Variants in NELL1 observed in about 807,000 individuals in gnomAD.
NELL1 encodes protein kinase C-binding protein NELL1.
Under a neutral mutation model 107.4 loss-of-function variants are expected in NELL1, and 76 were observed. The ratio of observed to expected loss-of-function variants is 0.71; its 90% CI spans 0.59 to 0.86. The LOEUF (loss-of-function observed/expected upper bound fraction) is 0.86, where lower values mean the gene tolerates loss of function less well. NELL1 is among the 40% of genes least tolerant of loss of function. The pLI is 0.00. For synonymous variants in NELL1, 353 were observed against 341.2 expected, an observed-to-expected ratio of 1.03 and a Z score of -0.38; for missense variants, 1,024 against 1,005.5, an observed-to-expected ratio of 1.02 and a Z score of -0.25.
At chr11:20,725,194 T>A (rs1034198804) in intron 2 of NELL1, among the ~76,000 whole-genome samples, 1 of 152,180 alleles carries the variant, frequency 6.6e-6, no homozygotes, top group Non-Finnish European at 1.5e-5. Flanking sequence ...TCCAAACAGT[T>A]CATGCAGTAA....
At position 21,119,601 on chromosome 11, in the gene NELL1, A is replaced by G. The variant is rs1855317929; in HGVS notation, c.1426+5887A>G. On this transcript the variant is annotated intron_variant, in intron 13 of 19. Coordinates refer to ENST00000357134, the MANE Select transcript of NELL1 (RefSeq NM_006157.5). ...CCTTTGAAAGGGTGAAATCTAAAACATTTGGCCTTTGACCCTTGGGGGAGT... is the reference window on the plus strand; with the variant it reads ...CCTTTGAAAGGGTGAAATCTAAAACGTTTGGCCTTTGACCCTTGGGGGAGT... Among the ~76,000 whole-genome samples, 8 of 152,098 alleles carry G rather than the reference A, an allele frequency of 5.3e-5. No homozygotes were observed. The South Asian group carries it at 1.7e-3, about 32-fold the overall frequency.
At chr11:21,169,038 A>C (rs1197644253) in intron 13 of NELL1, among the ~76,000 whole-genome samples, 1 of 151,906 alleles carries the variant, frequency 6.6e-6, no homozygotes, top group Non-Finnish European at 1.5e-5. Context: ...TGATGCTACT[A>C]TTGCATAATT....
intron 5 of NELL1, among the ~76,000 whole-genome samples, chr11:20,893,692 A>G (rs1013471423): frequency 2.0e-5 from 3 of 151,710 alleles, no homozygotes; most frequent in African/African-American, 7.2e-5. Context: ...AAGATACCAT[A>G]TATAATTCCA....
At chr11:20,928,526 T>G in intron 9 of NELL1, 47 bp downstream of exon 9, 2 of 1,435,782 alleles carry the variant, frequency 1.4e-6, no homozygotes, top group East Asian at 2.3e-5. Flanking sequence ...TTTTGAGATT[T>G]ATTTATTTAT....
intron 15 of NELL1, among the ~76,000 whole-genome samples, chr11:21,413,767 T>C (rs1852436148): frequency 2.0e-5 from 3 of 152,182 alleles, no homozygotes; most frequent in East Asian, 2.0e-4. Flanking sequence ...AAAAATATTT[T>C]TGAGGGTATG....
chr11:21,528,185 G>A (rs1855900947), intron 15 of NELL1, among the ~76,000 whole-genome samples: 1 of 152,156 alleles, frequency 6.6e-6, no homozygotes, highest in Non-Finnish European at 1.5e-5. Flanking sequence ...CCTAATGAAT[G>A]TCTACCTGGA....
intron 15 of NELL1, among the ~76,000 whole-genome samples, chr11:21,484,128 C>T (rs1854567833): frequency 6.8e-6 from 1 of 146,464 alleles, no homozygotes; most frequent in Non-Finnish European, 1.5e-5. Context: ...AATTTTTTTC[C>T]CATGCTATAT....
intron 15 of NELL1, among the ~76,000 whole-genome samples, chr11:21,490,339 ATAT>A (rs910448541): frequency 1.4e-4 from 22 of 152,104 alleles, no homozygotes; most frequent in African/African-American, 5.3e-4. Flanking sequence ...AGAAGAATTA[ATAT>A]TATTATAATG....
chr11:20,735,273 A>T (rs895424703), intron 2 of NELL1, among the ~76,000 whole-genome samples: 1 of 152,150 alleles, frequency 6.6e-6, no homozygotes, highest in African/African-American at 2.4e-5. Context: ...TTCTCATGCT[A>T]CTATAAAGAA....
chr11:21,473,085 G>A (rs1476169073), intron 15 of NELL1, among the ~76,000 whole-genome samples: 1 of 152,026 alleles, frequency 6.6e-6, no homozygotes, highest in Non-Finnish European at 1.5e-5. Context: ...AAGATGCACA[G>A]ATAAGCCTAT....
chr11:20,681,824 G>C (rs1854196508), intron 2 of NELL1, among the ~76,000 whole-genome samples: 2 of 152,034 alleles, frequency 1.3e-5, no homozygotes, highest in Admixed American at 1.3e-4. Context: ...GGAGCTTCCA[G>C]AAATTGCCAC....
rs75686551 is a variant in NELL1, at chr11:21,390,002, C to A, written c.1645+19054C>A. On this transcript the variant is annotated intron_variant, in intron 15 of 19. Transcript: ENST00000357134. Reference sequence around the variant, plus strand: ...TGCCCAGTTTCCCAAAGTTGTTATACCCATTTATATTCCTAATAACAATAA... The same window carrying A: ...TGCCCAGTTTCCCAAAGTTGTTATAACCATTTATATTCCTAATAACAATAA... 4.6e-3 allele frequency among the ~76,000 whole-genome samples: 700 copies of A among 151,878 alleles called. 13 individuals carry two copies. The East Asian group carries it at 0.065, about 14-fold the overall frequency.
chr11:21,518,745 T>G (rs991052010), intron 15 of NELL1, among the ~76,000 whole-genome samples: 1 of 152,162 alleles, frequency 6.6e-6, no homozygotes, highest in Admixed American at 6.5e-5. Context: ...AGTTTTGTAT[T>G]CAGAGAAAAG....
chr11:21,390,179 T>G (rs1303468898), intron 15 of NELL1, among the ~76,000 whole-genome samples: 5 of 151,730 alleles, frequency 3.3e-5, no homozygotes, highest in African/African-American at 9.7e-5. Context: ...TGCTTATTGA[T>G]CATTTGGTTA....
rs938382328 is a variant in NELL1 at position 21,575,232 on chromosome 11, A to G, written c.*210A>G. On this transcript the variant is annotated 3_prime_UTR_variant, in exon 20 of 20. Transcript: ENST00000357134. ...TGCTAACCTAGTCTAGGTGACCTAC[A>G]GTGCCGTGCATTTAAGTCAATGGTT... 2.2e-5 allele frequency: 12 copies of G among 533,374 alleles called. No homozygotes were observed. The highest frequency in any genetic ancestry group is 4.1e-5 in the Non-Finnish European group (12 of 296,058). 33.0% of individuals were successfully genotyped at this position (533,374 alleles called of 1,614,324 possible).
At chr11:20,984,507 G>A (rs139859879) in intron 12 of NELL1, among the ~76,000 whole-genome samples, 1 of 152,314 alleles carries the variant, frequency 6.6e-6, no homozygotes, top group Non-Finnish European at 1.5e-5. Context: ...CTTGTCTGAT[G>A]TAATTCATTC....
chr11:21,275,032 C>T (rs1049221052), intron 14 of NELL1, among the ~76,000 whole-genome samples: 3 of 151,956 alleles, frequency 2.0e-5, no homozygotes, highest in Admixed American at 2.0e-4. Context: ...TAGCAGAAGG[C>T]AAGAAATAAC....
intron 13 of NELL1, among the ~76,000 whole-genome samples, chr11:21,146,798 T>G (rs1315359738): frequency 8.0e-6 from 1 of 124,874 alleles, no homozygotes; most frequent in Non-Finnish European, 1.8e-5. Context: ...ATCCCAGCAC[T>G]TTTGCAGGCC....
intron 13 of NELL1, among the ~76,000 whole-genome samples, chr11:21,205,599 A>G (rs1474394782): frequency 6.6e-6 from 1 of 152,178 alleles, no homozygotes; most frequent in African/African-American, 2.4e-5. Flanking sequence ...CCCTGGCTTC[A>G]GCCCCCTTTC....
Sources: allele counts gnomAD v4.1 joint callset (sites outside exome capture counted in the v4.1 genomes callset), GRCh38; gene constraint gnomAD v4.1.1; transcripts MANE v1.5; gene names NCBI Gene and HGNC (gene_info 2026-07-23, HGNC 2026-07-21).